The following HECTD2 variants were observed in gnomAD, a reference collection of about 807,000 sequenced individuals.
The protein encoded by HECTD2 is probable E3 ubiquitin-protein ligase HECTD2.
Under a neutral mutation model 103.2 loss-of-function variants are expected in HECTD2, and 35 were observed. The ratio of observed to expected loss-of-function variants is 0.34; its 90% CI spans 0.26 to 0.45. The LOEUF (loss-of-function observed/expected upper bound fraction) is 0.45, where lower values mean the gene tolerates loss of function less well. HECTD2 is among the 20% of genes least tolerant of loss of function. The pLI, the probability that HECTD2 is intolerant of heterozygous loss-of-function variation, is 1.00. For missense variants in HECTD2, 596 were observed against 937.4 expected, an observed-to-expected ratio of 0.64 and a Z score of 4.76; for synonymous variants, 281 against 329.9, an observed-to-expected ratio of 0.85 and a Z score of 1.61.
chr10:91,499,970 A>G (rs1846832939), intron 18 of HECTD2, among the ~76,000 whole-genome samples: 1 of 152,152 alleles, frequency 6.6e-6, no homozygotes, highest in Admixed American at 6.5e-5. Flanking sequence ...TGTTTATGAC[A>G]CTCTGGTAAT....
intron 5 of HECTD2, chr10:91,462,879 T>G (rs1316623963): frequency 1.2e-5 from 5 of 404,462 alleles, no homozygotes; most frequent in Admixed American, 1.3e-4. Flanking sequence ...TACCTAGGTC[T>G]TCTTTAATTT....
chr10:91,483,154 A>G, intron 8 of HECTD2, 78 bp downstream of exon 8: 1 of 545,416 alleles, frequency 1.8e-6, no homozygotes, highest in East Asian at 3.3e-5. Context: ...ACAATAAAAT[A>G]TATTTAAATA....
At chr10:91,429,670 G>A (rs993699100) in intron 2 of HECTD2, among the ~76,000 whole-genome samples, 1 of 152,132 alleles carries the variant, frequency 6.6e-6, no homozygotes, top group African/African-American at 2.4e-5. Context: ...TTGCGTAGAG[G>A]TGTTTGTAGT....
Position 91,512,567 on chromosome 10 carries a change from C to T in HECTD2, c.*183C>T. ...AAAGGCATAATTTTCTAAAAACACACACAGAAATCGCTTGAGTGAGGAAAA... is the reference window on the plus strand; with the variant it reads ...AAAGGCATAATTTTCTAAAAACACATACAGAAATCGCTTGAGTGAGGAAAA... On this transcript the variant is annotated 3_prime_UTR_variant, in exon 21 of 21. Coordinates refer to ENST00000298068, the MANE Select transcript of HECTD2 (RefSeq NM_182765.6). The T allele has an allele frequency of 1.8e-6, 1 of 562,338 alleles. No homozygotes were observed. 34.8% of individuals were successfully genotyped at this position (562,338 alleles called of 1,614,324 possible).
upstream of HECTD2, among the ~76,000 whole-genome samples, chr10:91,409,734 G>T (rs1409371160): frequency 6.6e-6 from 1 of 152,152 alleles, no homozygotes; most frequent in African/African-American, 2.4e-5. Flanking sequence ...GTCTCCCCGG[G>T]CTGCGCAAGC....
intron 1 of HECTD2, among the ~76,000 whole-genome samples, chr10:91,420,338 C>T (rs1242842036): frequency 6.7e-6 from 1 of 149,976 alleles, no homozygotes; most frequent in Non-Finnish European, 1.5e-5. Context: ...GTAATCCCAG[C>T]ACTTTGGGAG....
intron 2 of HECTD2, among the ~76,000 whole-genome samples, chr10:91,453,924 C>T (rs749572469): frequency 6.6e-6 from 1 of 151,988 alleles, no homozygotes; most frequent in Non-Finnish European, 1.5e-5. Flanking sequence ...ACAAAGAAAA[C>T]TCATGGAGAC....
At chr10:91,430,554 T>C (rs1371085681) in intron 2 of HECTD2, among the ~76,000 whole-genome samples, 3 of 152,198 alleles carry the variant, frequency 2.0e-5, no homozygotes, top group Admixed American at 1.3e-4. Context: ...TTTATGAATC[T>C]GGGTGCTCCT....
At chr10:91,467,014 A>C (rs1197752687) in intron 5 of HECTD2, among the ~76,000 whole-genome samples, 1 of 151,930 alleles carries the variant, frequency 6.6e-6, no homozygotes, top group East Asian at 1.9e-4. Flanking sequence ...GCACACTCCA[A>C]GCAGATCTTC....
At chr10:91,428,221 G>A (rs892783641) in intron 2 of HECTD2, among the ~76,000 whole-genome samples, 7 of 151,884 alleles carry the variant, frequency 4.6e-5, no homozygotes, top group South Asian at 2.1e-4. Context: ...GCTCTGTTCC[G>A]TTCCATTGAT....
chr10:91,453,493 C>G (rs1844926517), intron 2 of HECTD2, among the ~76,000 whole-genome samples: 1 of 151,986 alleles, frequency 6.6e-6, no homozygotes, highest in African/African-American at 2.4e-5. Flanking sequence ...GCCCTTCATT[C>G]CAACTGGTAA....
intron 1 of HECTD2, among the ~76,000 whole-genome samples, chr10:91,412,888 G>A (rs1035723365): frequency 9.2e-5 from 14 of 152,084 alleles, no homozygotes; most frequent in African/African-American, 3.4e-4. Context: ...GTCTTGATGT[G>A]TGAGGTAGGT....
chr10:91,430,578 A>G (rs1589471438), intron 2 of HECTD2, among the ~76,000 whole-genome samples: 2 of 152,256 alleles, frequency 1.3e-5, no homozygotes, highest in East Asian at 3.9e-4. Flanking sequence ...TTGGGTGCAT[A>G]TATATTTAGG....
chr10:91,501,652 T>C (rs1476197037), intron 20 of HECTD2, among the ~76,000 whole-genome samples: 1 of 152,110 alleles, frequency 6.6e-6, no homozygotes, highest in African/African-American at 2.4e-5. Flanking sequence ...AAATGTGAAA[T>C]GTGTTTTTTA....
chr10:91,427,174 A>G (rs1486257683), intron 2 of HECTD2, among the ~76,000 whole-genome samples: 2 of 151,718 alleles, frequency 1.3e-5, no homozygotes, highest in South Asian at 2.1e-4. Flanking sequence ...TACAAAGGAC[A>G]TGAACTCATC....
intron 2 of HECTD2, among the ~76,000 whole-genome samples, chr10:91,438,442 T>C (rs1047808151): frequency 2.0e-5 from 3 of 152,216 alleles, no homozygotes; most frequent in African/African-American, 7.2e-5. Flanking sequence ...TAGTATTCCA[T>C]GGTGCATATG....
chr10:91,514,242 G>A lies in HECTD2; in HGVS notation c.*1858G>A, dbSNP rs918790806. ...TGTTGGCTTGGTCTGCATGTTTAAT[G>A]ATGTGCTTGTATATCGATTAGCTGT... On this transcript the variant is annotated 3_prime_UTR_variant, in exon 21 of 21. Coordinates refer to ENST00000298068, the MANE Select transcript of HECTD2 (RefSeq NM_182765.6). The A allele has an allele frequency of 2.0e-5, 3 of 152,594 alleles. No individual in the cohort carries two copies. Among genetic ancestry groups the A allele is most frequent in the African/African-American group, 7.2e-5 (3 of 41,452 alleles). 9.5% of individuals were successfully genotyped at this position (152,594 alleles called of 1,614,324 possible).
intron 2 of HECTD2, among the ~76,000 whole-genome samples, chr10:91,451,102 C>T (rs1464454862): frequency 6.6e-6 from 1 of 152,128 alleles, no homozygotes; most frequent in Non-Finnish European, 1.5e-5. Context: ...TTCACAACAG[C>T]AAAGACTGGG....
intron 5 of HECTD2, among the ~76,000 whole-genome samples, chr10:91,472,698 A>G (rs1845769149): frequency 6.6e-6 from 1 of 152,246 alleles, no homozygotes; most frequent in African/African-American, 2.4e-5. Context: ...ATATGAAGAA[A>G]TGTTCAGCAT....
Sources: gnomAD v4.1 joint callset for allele counts (sites outside exome capture counted in the v4.1 genomes callset) on GRCh38, gnomAD v4.1.1 for gene constraint, MANE v1.5 for transcripts, NCBI Gene and HGNC (gene_info 2026-07-23, HGNC 2026-07-21) for gene names.